Variants in CUL4B observed in about 807,000 individuals in gnomAD.
CUL4B encodes the protein cullin-4B.
Under a neutral mutation model 69.2 loss-of-function variants are expected in CUL4B, and 1 was observed. That is an observed-to-expected ratio of 0.01 (90% CI 0.01 to 0.07). The LOEUF (loss-of-function observed/expected upper bound fraction) is 0.07. Ranked by LOEUF, CUL4B falls within the 10% of genes least tolerant of loss-of-function variation. The pLI is 1.00. For missense variants in CUL4B, 328 were observed against 638.8 expected (o/e 0.51, Z 5.24); for synonymous variants, 237 against 223.2 (o/e 1.06, Z -0.55).
chrX:120,563,639 G>A (rs191576561), upstream of CUL4B, among the ~76,000 whole-genome samples: 13 of 112,200 alleles, frequency 1.2e-4, no homozygotes, highest in East Asian at 3.3e-3. Context: ...TAAATGCAGG[G>A]TAAATGCTTA....
At chrX:120,533,953 C>T (rs1396542404) in intron 17 of CUL4B, among the ~76,000 whole-genome samples, 1 of 110,632 alleles carries the variant, frequency 9.0e-6, no homozygotes, top group Non-Finnish European at 1.9e-5. Flanking sequence ...GTAATCCCAG[C>T]TACTCGGGAG....
Position 120,524,478 on chromosome X carries a change from C to A in CUL4B, c.*2283G>T, listed in dbSNP as rs1041317187. 2 of 111,678 alleles carry A rather than the reference C, an allele frequency of 1.8e-5. No homozygotes were observed. The highest frequency in any genetic ancestry group is 6.5e-5 in the African/African-American group (2 of 30,867). 9.2% of individuals were successfully genotyped at this position (111,678 alleles called of 1,213,427 possible). Reference sequence around the variant, plus strand: ...TTATAGCATTACCACAAAACCATTACAAAATTTTTAAAAAGTTTAAAAATA... The same window carrying A: ...TTATAGCATTACCACAAAACCATTAAAAAATTTTTAAAAAGTTTAAAAATA... On this transcript the variant is annotated 3_prime_UTR_variant, in exon 20 of 20. Coordinates refer to ENST00000371322, the MANE Select transcript of CUL4B (RefSeq NM_001079872.2).
chrX:120,567,388 A>G (rs1925586677), downstream of CUL4B, among the ~76,000 whole-genome samples: 1 of 109,746 alleles, frequency 9.1e-6, no homozygotes, highest in Non-Finnish European at 1.9e-5. Flanking sequence ...CGGCCTCCCA[A>G]AGTGGTAGGA....
At chrX:120,551,366 T>G (rs1274158487) in intron 2 of CUL4B, among the ~76,000 whole-genome samples, 1 of 110,088 alleles carries the variant, frequency 9.1e-6, no homozygotes, top group Admixed American at 9.8e-5. Flanking sequence ...CTCAGCTAGG[T>G]TTTTTTGCAT....
chrX:120,527,760 T>C (rs1923070751), intron 19 of CUL4B, among the ~76,000 whole-genome samples: 1 of 112,328 alleles, frequency 8.9e-6, no homozygotes, highest in Admixed American at 9.4e-5. Flanking sequence ...TGTGGCATCA[T>C]GTTGGCATTC....
intron 6 of CUL4B, 44 bp downstream of exon 6, chrX:120,544,437 G>T (rs762303712): frequency 5.9e-6 from 7 of 1,187,855 alleles, no homozygotes; most frequent in Non-Finnish European, 8.0e-6. Flanking sequence ...AAAAAAACTA[G>T]GATAGCAATC....
At chrX:120,547,795 T>C (rs1353596603) in intron 2 of CUL4B, among the ~76,000 whole-genome samples, 1 of 111,310 alleles carries the variant, frequency 9.0e-6, no homozygotes, top group Non-Finnish European at 1.9e-5. Flanking sequence ...GGGCACAATC[T>C]AATCAGCTTC....
At chrX:120,568,288 T>C (rs1476732128), downstream of CUL4B, among the ~76,000 whole-genome samples, 2 of 111,782 alleles carry the variant, frequency 1.8e-5, no homozygotes, top group Non-Finnish European at 3.8e-5. Context: ...CTAGGGCCAA[T>C]CCTGCTTTTT....
exon 3 of CUL4B, chrX:120,571,761 C>T (rs1463352759): frequency 9.0e-6 from 1 of 110,603 alleles, no homozygotes; most frequent in African/African-American, 3.3e-5. Context: ...TAAATACAGT[C>T]GGCCCTCTGC....
chrX:120,539,742 G>A (rs1923877085), intron 11 of CUL4B, among the ~76,000 whole-genome samples: 1 of 112,302 alleles, frequency 8.9e-6, no homozygotes, highest in African/African-American at 3.2e-5. Flanking sequence ...CCATTTTATA[G>A]GAATAGTAAG....
At chrX:120,532,639 A>G in intron 17 of CUL4B, 45 bp from the exon 18 acceptor site, 5 of 1,063,628 alleles carry the variant, frequency 4.7e-6, no homozygotes, top group Non-Finnish European at 6.5e-6. Flanking sequence ...CAGCATGAAC[A>G]ACTACGACAT....
chrX:120,551,412 G>A (rs1460848358), intron 2 of CUL4B, among the ~76,000 whole-genome samples: 7 of 110,276 alleles, frequency 6.3e-5, no homozygotes, highest in Non-Finnish European at 3.8e-5. Context: ...TGTTGGCCAG[G>A]CTAGTCTCGA....
upstream of CUL4B, among the ~76,000 whole-genome samples, chrX:120,565,282 T>C (rs1925459247): frequency 9.0e-6 from 1 of 110,660 alleles, no homozygotes; most frequent in Non-Finnish European, 1.9e-5. Flanking sequence ...GGTGGGATTT[T>C]CCTTAGGAAT....
intron 1 of CUL4B, among the ~76,000 whole-genome samples, chrX:120,558,993 G>A (rs1925134647): frequency 9.0e-6 from 1 of 111,103 alleles, no homozygotes; most frequent in Non-Finnish European, 1.9e-5. Context: ...GAGAGCCTGG[G>A]TATGGGAAGG....
chrX:120,570,516 C>G (rs961582294), downstream of CUL4B, among the ~76,000 whole-genome samples: 1 of 112,156 alleles, frequency 8.9e-6, no homozygotes, highest in African/African-American at 3.2e-5. Flanking sequence ...ATAGTTCCTA[C>G]TAGTTCCTTA....
chrX:120,552,339 G>A (rs1328711157), intron 2 of CUL4B, among the ~76,000 whole-genome samples: 2 of 112,362 alleles, frequency 1.8e-5, no homozygotes, highest in African/African-American at 6.5e-5. Flanking sequence ...GTAGAGACTG[G>A]GTTTCACCAT....
chrX:120,541,741 G>A, intron 9 of CUL4B, 21 bp from the exon 10 acceptor site: 1 of 1,006,919 alleles, frequency 9.9e-7, no homozygotes, highest in Non-Finnish European at 1.4e-6. Context: ...AAACATTTTG[G>A]CATTAAAATA....
At chrX:120,543,529 CACA>C (rs1198418295) in intron 8 of CUL4B, among the ~76,000 whole-genome samples, 195 bp downstream of exon 8, 1,945 of 92,771 alleles carry the variant, frequency 0.021, 41 homozygotes, top group African/African-American at 0.063. Flanking sequence ...CACACACACA[CACA>C]CCCCTAATAA....
chrX:120,564,244 T>A (rs1409563155), upstream of CUL4B, among the ~76,000 whole-genome samples: 3 of 112,318 alleles, frequency 2.7e-5, no homozygotes, highest in Non-Finnish European at 5.6e-5. Context: ...GAGGTTGCAG[T>A]GAGCCAAGCT....
Sources: gnomAD v4.1 joint callset for allele counts (sites outside exome capture counted in the v4.1 genomes callset) on GRCh38, gnomAD v4.1.1 for gene constraint, MANE v1.5 for transcripts, NCBI Gene and HGNC (gene_info 2026-07-23, HGNC 2026-07-21) for gene names.